Variants in SLIT3 observed in about 807,000 individuals in gnomAD.
SLIT3 encodes the protein slit homolog 3 protein.
SLIT3 carries 68 observed loss-of-function variants against 184.0 expected under a neutral mutation model. The observed-to-expected ratio is 0.37, with a 90% confidence interval of 0.30 to 0.45. The LOEUF (loss-of-function observed/expected upper bound fraction) is 0.45. Among genes scored for constraint, SLIT3 ranks in the 20% least tolerant of loss-of-function variants. The pLI, the probability that SLIT3 is intolerant of heterozygous loss-of-function variation, is 1.00. For synonymous variants in SLIT3, 831 were observed against 828.6 expected, an observed-to-expected ratio of 1.00 and a Z score of -0.05; for missense variants, 1,707 against 2,026.0, an observed-to-expected ratio of 0.84 and a Z score of 3.02.
rs199853386 is a variant in SLIT3 at position 168,692,712 on chromosome 5, G to A, written c.3083-12C>T. 5.8e-4 allele frequency: 931 copies of A among 1,604,448 alleles called. 9 individuals are homozygous for A. The South Asian group carries it at 8.0e-3, about 14-fold the overall frequency. On this transcript the variant is annotated splice_polypyrimidine_tract_variant and intron_variant, in intron 28 of 35. Transcript: ENST00000519560. Reference sequence around the variant, plus strand: ...GTCGCATAGCTCACCTGGCACAGATGGGGGAGATAGCTCAGGCCTCAGGCA... The same window carrying A: ...GTCGCATAGCTCACCTGGCACAGATAGGGGAGATAGCTCAGGCCTCAGGCA...
intron 20 of SLIT3, among the ~76,000 whole-genome samples, chr5:168,729,025 G>A (rs1763218979): frequency 6.6e-6 from 1 of 151,196 alleles, no homozygotes; most frequent in Admixed American, 6.6e-5. Flanking sequence ...TAATAGACTA[G>A]AACAAGCAGA....
At chr5:168,876,090 G>A (rs1759720751) in intron 5 of SLIT3, among the ~76,000 whole-genome samples, 1 of 152,130 alleles carries the variant, frequency 6.6e-6, no homozygotes, top group South Asian at 2.1e-4. Context: ...CTGCGTCAGA[G>A]CCGGCTTGCA....
chr5:169,117,198 T>C (rs751594930), intron 4 of SLIT3, among the ~76,000 whole-genome samples: 3 of 152,066 alleles, frequency 2.0e-5, no homozygotes, highest in Non-Finnish European at 4.4e-5. Context: ...AGGGCACCCA[T>C]AAAAATAGAG....
chr5:169,282,277 A>G (rs1038798352), intron 1 of SLIT3, among the ~76,000 whole-genome samples: 1 of 152,140 alleles, frequency 6.6e-6, no homozygotes, highest in Admixed American at 6.5e-5. Flanking sequence ...ATTTCCCTCA[A>G]AAAAATCTGT....
chr5:168,710,966 C>T lies in SLIT3; in HGVS notation c.2648G>A (p.Arg883His), dbSNP rs761012302. 1.5e-5 allele frequency: 23 copies of T among 1,565,144 alleles called. No individual in the cohort carries two copies. The Middle Eastern group carries it at 5.0e-4, about 34-fold the overall frequency. ...KAGYKEPGIA[R>H]CSSPEPMADR... ...AGCCATGGGCTCAGGGCTACTGCAG[C>T]GGGCGATGCCAGGCTCCTTGTACCC... The change falls in exon 25 of 36, where the codon CGC (arginine) becomes CAC (histidine). Residue 883 changes from arginine (R) to histidine (H), a missense_variant. Around this residue, in one of 3 missense-constraint regions of SLIT3, gnomAD observed 1,307 missense variants for 1,511.6 expected, o/e 0.86. Transcript: ENST00000519560.
intron 20 of SLIT3, among the ~76,000 whole-genome samples, chr5:168,731,270 G>C (rs180751803): frequency 6.6e-6 from 1 of 151,950 alleles, no homozygotes; most frequent in African/African-American, 2.4e-5. Flanking sequence ...CCCCTAATAA[G>C]TAGAGAGACT....
intron 4 of SLIT3, among the ~76,000 whole-genome samples, chr5:169,080,941 C>T (rs931193747): frequency 6.6e-6 from 1 of 152,304 alleles, no homozygotes. Flanking sequence ...TGTAAAAAAC[C>T]AGGTACCCTG....
At chr5:168,949,566 C>A (rs1762585999) in intron 4 of SLIT3, among the ~76,000 whole-genome samples, 1 of 152,180 alleles carries the variant, frequency 6.6e-6, no homozygotes, top group Non-Finnish European at 1.5e-5. Flanking sequence ...ACCCAAAGAA[C>A]AACTGTCAAA....
chr5:168,861,312 A>T (rs1399822218), intron 5 of SLIT3, among the ~76,000 whole-genome samples: 3 of 150,598 alleles, frequency 2.0e-5, no homozygotes, highest in Non-Finnish European at 4.4e-5. Context: ...TGTGAATATG[A>T]CGTATTTCTT....
intron 9 of SLIT3, among the ~76,000 whole-genome samples, chr5:168,799,266 T>C (rs1756682137): frequency 6.6e-6 from 1 of 152,094 alleles, no homozygotes; most frequent in Non-Finnish European, 1.5e-5. Context: ...AAAGAAGCAT[T>C]TGCATCAGCA....
At chr5:168,996,515 C>T (rs778232767) in intron 4 of SLIT3, among the ~76,000 whole-genome samples, 1 of 152,204 alleles carries the variant, frequency 6.6e-6, no homozygotes. Flanking sequence ...CTTCCAGTGA[C>T]TTTGGGCTTG....
At position 169,023,146 on chromosome 5, in the gene SLIT3, C is replaced by T. The variant is rs530110895; in HGVS notation, c.414-139810G>A. Among the ~76,000 whole-genome samples, 4 of 152,152 alleles carry T rather than the reference C, an allele frequency of 2.6e-5. No homozygotes were observed. In the South Asian group the frequency reaches 6.3e-4, roughly 24 times the overall value. On this transcript the variant is annotated intron_variant, in intron 4 of 35. Transcript: ENST00000519560. ...GCCATATTTTCATCATTTTGGATGT[C>T]TTTTTTAGGAATTGCATGAGTGTGT... is the stretch of plus-strand genomic sequence containing the variant.
In SLIT3 at chr5:168,671,272, C is replaced by T. The variant is rs149659886; in HGVS notation, c.4053G>A (p.Val1351=). 3.1e-4 allele frequency: 500 copies of T among 1,613,672 alleles called. 2 individuals are homozygous for T. In the Middle Eastern group the frequency reaches 3.6e-3, roughly 12 times the overall value. Residue 1351 remains valine, a synonymous_variant, in exon 34 of 36, where the codon GTG becomes GTA. Coordinates refer to ENST00000519560, the MANE Select transcript of SLIT3 (RefSeq NM_003062.4). The stretch of plus-strand genomic sequence containing the variant: ...TCCAGCCTGGGCGGCACTCGCACAC[C>T]ACGCTGTCCTTCTCCACGGAGCGGC... ...GLCRSVEKDS[V]VCECRPGWTG...
intron 1 of SLIT3, among the ~76,000 whole-genome samples, chr5:169,252,377 C>T (rs1581104017): frequency 6.6e-6 from 1 of 152,248 alleles, no homozygotes; most frequent in East Asian, 1.9e-4. Context: ...AAGGATTTGC[C>T]ATAGAAGAGC....
chr5:168,765,252 G>A (rs966158592), intron 14 of SLIT3, among the ~76,000 whole-genome samples: 1 of 152,148 alleles, frequency 6.6e-6, no homozygotes, highest in African/African-American at 2.4e-5. Context: ...AGCAGGAATC[G>A]CTCTCAGTAG....
intron 4 of SLIT3, among the ~76,000 whole-genome samples, chr5:169,177,124 C>T (rs1037657026): frequency 6.6e-6 from 1 of 152,210 alleles, no homozygotes; most frequent in African/African-American, 2.4e-5. Flanking sequence ...GGGTGCATTT[C>T]TCTCCCATAA....
At chr5:168,925,076 C>CTGTTAACTGGTT (rs1287057765) in intron 4 of SLIT3, among the ~76,000 whole-genome samples, 1 of 152,162 alleles carries the variant, frequency 6.6e-6, no homozygotes, top group Non-Finnish European at 1.5e-5. Flanking sequence ...TGTTAACCTC[C>CTGTTAACTGGTT]TAAATTCTGT....
rs190134046 is a variant in SLIT3 at position 168,690,729 on chromosome 5, C to T, written c.3176+1878G>A. Among the ~76,000 whole-genome samples the T allele has an allele frequency of 4.7e-3, 717 of 152,174 alleles. 2 individuals are homozygous for T. Among genetic ancestry groups the T allele is most frequent in the Non-Finnish European group, 8.0e-3 (547 of 68,006 alleles). ...GTCCCACCTGGCATATCTGAGGGGG[C>T]ATGGGGCAGATGAGGTAGATAGGAA... On this transcript the variant is annotated intron_variant, in intron 29 of 35. Coordinates refer to ENST00000519560, the MANE Select transcript of SLIT3 (RefSeq NM_003062.4).
intron 4 of SLIT3, chr5:169,120,007 A>G (rs1051991358): frequency 1.3e-5 from 2 of 152,236 alleles, no homozygotes; most frequent in Admixed American, 1.3e-4. Flanking sequence ...AGCTACGTTC[A>G]TCAGCTTTCA....
Sources: gnomAD v4.1 joint callset for allele counts (sites outside exome capture counted in the v4.1 genomes callset) on GRCh38, gnomAD v4.1.1 for gene constraint, gnomAD v4.1.1 regional missense constraint, MANE v1.5 for transcripts, NCBI Gene and HGNC (gene_info 2026-07-23, HGNC 2026-07-21) for gene names.